Variants in NCAN observed in about 807,000 individuals in gnomAD.
NCAN encodes neurocan core protein.
In NCAN, 47 loss-of-function variants were observed where a neutral mutation model predicts 121.8. That is an observed-to-expected ratio of 0.39 (90% CI 0.31 to 0.49). The LOEUF is 0.49. Among genes scored for constraint, NCAN ranks in the 20% least tolerant of loss-of-function variants. NCAN has a pLI of 0.92. For missense variants in NCAN, 1,517 were observed against 1,773.4 expected, an observed-to-expected ratio of 0.86 and a Z score of 2.60; for synonymous variants, 633 against 702.0, an observed-to-expected ratio of 0.90 and a Z score of 1.55.
intron 10 of NCAN, among the ~76,000 whole-genome samples, chr19:19,235,578 A>ATTT (rs1345718406): frequency 5.3e-5 from 7 of 131,330 alleles, no homozygotes; most frequent in African/African-American, 1.8e-4. Flanking sequence ...GCCCTATTTT[A>ATTT]TTTTATTTTT....
At position 19,227,396 on chromosome 19, in the gene NCAN, C is replaced by A; in HGVS notation, c.1776C>A (p.Gly592=). 1.2e-6 allele frequency: 2 copies of A among 1,613,640 alleles called. No homozygotes were observed. The change falls in exon 8 of 15, where the codon GGC becomes GGA. Residue 592 remains glycine, a synonymous_variant. Coordinates refer to ENST00000252575, the MANE Select transcript of NCAN (RefSeq NM_004386.3). The surrounding 1 kb of genome is among the most constrained non-coding windows in gnomAD (Gnocchi z 4.2). ...APVLELEKAE[G]PSARPATPDL... ...TCCTGGAGCTAGAGAAAGCCGAGGG[C>A]CCCAGTGCCAGGCCAGCCACCCCAG...
chr19:19,242,791 G>GACAAAT (rs2060908730), intron 12 of NCAN, among the ~76,000 whole-genome samples: 1 of 152,164 alleles, frequency 6.6e-6, no homozygotes, highest in South Asian at 2.1e-4. Context: ...AACAGATGAA[G>GACAAAT]GAAGAGACAA....
chr19:19,246,901 C>CAA (rs1194221341), intron 13 of NCAN, among the ~76,000 whole-genome samples: 1 of 152,104 alleles, frequency 6.6e-6, no homozygotes, highest in Non-Finnish European at 1.5e-5. Context: ...TGTGAACTGT[C>CAA]AATTCATCTC....
At chr19:19,241,779 T>A (rs1419248953) in intron 12 of NCAN, among the ~76,000 whole-genome samples, 2 of 151,994 alleles carry the variant, frequency 1.3e-5, no homozygotes, top group African/African-American at 4.8e-5. Flanking sequence ...AGATTCAAAG[T>A]GGTACAAAAA....
At chr19:19,233,212 G>C (rs1202648503) in intron 8 of NCAN, among the ~76,000 whole-genome samples, 1 of 152,136 alleles carries the variant, frequency 6.6e-6, no homozygotes, top group Non-Finnish European at 1.5e-5. Context: ...AGGATTACAG[G>C]CATGAGCCAT....
chr19:19,235,107 A>G lies in NCAN; in HGVS notation c.3250+11A>G. On this transcript the variant is annotated intron_variant, in intron 10 of 14. Coordinates refer to ENST00000252575, the MANE Select transcript of NCAN (RefSeq NM_004386.3). ...GCTTTTGTGAGAAAGGTGAGTTTCTATTGCAACACCAGAAACAGTACCAAG... is the reference window on the plus strand; with the variant it reads ...GCTTTTGTGAGAAAGGTGAGTTTCTGTTGCAACACCAGAAACAGTACCAAG... 6.3e-7 allele frequency: 1 copy of G among 1,582,634 alleles called. No individual in the cohort carries two copies. The highest frequency in any genetic ancestry group is 8.7e-7 in the Non-Finnish European group (1 of 1,152,150).
intron 3 of NCAN, among the ~76,000 whole-genome samples, chr19:19,221,600 A>C (rs1034716569): frequency 5.3e-5 from 8 of 151,958 alleles, no homozygotes; most frequent in Admixed American, 3.9e-4. Context: ...AATACAACTA[A>C]ATAAGCCAGA....
chr19:19,240,706 G>A, intron 12 of NCAN, 21 bp downstream of exon 12: 1 of 1,612,018 alleles, frequency 6.2e-7, no homozygotes, highest in Non-Finnish European at 8.5e-7. Context: ...GGGGCTGCGG[G>A]CCTAGGCTGC....
At chr19:19,240,521 T>C in intron 11 of NCAN, 82 bp from the exon 12 acceptor site, 1 of 1,380,720 alleles carries the variant, frequency 7.2e-7, no homozygotes, top group Admixed American at 1.7e-5. Context: ...TCCCACACCC[T>C]ACCCCACCTC....
In NCAN at chr19:19,227,814, A is replaced by C; in HGVS notation, c.2194A>C (p.Arg732=). 6.2e-7 allele frequency: 1 copy of C among 1,613,640 alleles called. No individual in the cohort carries two copies. Among genetic ancestry groups the C allele is most frequent in the Non-Finnish European group, 8.5e-7 (1 of 1,180,018 alleles). The change falls in exon 8 of 15, where the codon AGG becomes CGG. Residue 732 remains arginine (R), a synonymous_variant. Coordinates refer to ENST00000252575, the MANE Select transcript of NCAN (RefSeq NM_004386.3). The surrounding 1 kb of genome is among the most constrained non-coding windows in gnomAD (Gnocchi z 4.2). The part of the protein sequence containing the change: ...SSSSPWPSVN[R]NVAVGFVPTE... ...CTCCAGCCCATGGCCTTCTGTAAAC[A>C]GGAATGTGGCTGTAGGTTTTGTCCC... is the stretch of plus-strand genomic sequence containing the variant.
At chr19:19,248,284 T>C (rs1050602467) in intron 13 of NCAN, among the ~76,000 whole-genome samples, 38 of 151,824 alleles carry the variant, frequency 2.5e-4, no homozygotes, top group Admixed American at 2.5e-3. Flanking sequence ...GTCTCTACTA[T>C]AAATACAAAA....
At chr19:19,245,785 A>AT (rs111384721) in intron 13 of NCAN, among the ~76,000 whole-genome samples, 46 of 146,748 alleles carry the variant, frequency 3.1e-4, no homozygotes, top group East Asian at 1.4e-3. Flanking sequence ...GCCTTGATTC[A>AT]TTTTTTTTTT....
At chr19:19,248,257 C>T (rs1226634855) in intron 13 of NCAN, among the ~76,000 whole-genome samples, 1 of 151,944 alleles carries the variant, frequency 6.6e-6, no homozygotes, top group Non-Finnish European at 1.5e-5. Context: ...CCCGCCTGGC[C>T]AATATGACGA....
At chr19:19,219,798 G>A (rs887852865) in intron 3 of NCAN, among the ~76,000 whole-genome samples, 1 of 150,664 alleles carries the variant, frequency 6.6e-6, no homozygotes, top group Non-Finnish European at 1.5e-5. Context: ...GCCGAGGCGT[G>A]TGGATCAGTT....
rs182862876 is a variant in NCAN, at chr19:19,250,134, C to T, written c.*223C>T. 47 of 682,352 alleles carry T rather than the reference C, an allele frequency of 6.9e-5. No individual in the cohort carries two copies. In the Admixed American group the frequency reaches 8.8e-4, roughly 13 times the overall value. 42.3% of individuals were successfully genotyped at this position (682,352 alleles called of 1,614,324 possible). A position where few individuals can be genotyped will look rare whatever the true frequency, so the allele number is the denominator to read the frequency against. On this transcript the variant is annotated 3_prime_UTR_variant, in exon 15 of 15. Transcript: ENST00000252575. ...GCCAGGTGTCTGAAAAGTTCATTCT[C>T]GTCTGGCTGAACTCTGGGAGTGTGT... is the stretch of plus-strand genomic sequence containing the variant.
chr19:19,223,040 C>A (rs184081754), intron 3 of NCAN, among the ~76,000 whole-genome samples: 1 of 151,966 alleles, frequency 6.6e-6, no homozygotes, highest in Non-Finnish European at 1.5e-5. Context: ...ACCCGGGAGG[C>A]GGAGCTTGCA....
At chr19:19,223,940 G>A (rs1046975756) in intron 3 of NCAN, 81 bp from the exon 4 acceptor site, 6 of 1,384,342 alleles carry the variant, frequency 4.3e-6, no homozygotes, top group African/African-American at 4.3e-5. Flanking sequence ...GGGGTGGGGA[G>A]TCATTCTGCA....
chr19:19,239,745 TCTA>T (rs1211093854), intron 11 of NCAN, among the ~76,000 whole-genome samples: 2 of 110,490 alleles, frequency 1.8e-5, no homozygotes, highest in Non-Finnish European at 3.7e-5. Context: ...CCTCCTCCCT[TCTA>T]CTCCTCCTCC....
At chr19:19,234,139 G>A (rs2060872509) in intron 9 of NCAN, among the ~76,000 whole-genome samples, 2 of 152,160 alleles carry the variant, frequency 1.3e-5, no homozygotes. Flanking sequence ...CCAGTCAGAG[G>A]TGGGAAGGAA....
Sources: allele counts gnomAD v4.1 joint callset (sites outside exome capture counted in the v4.1 genomes callset), GRCh38; gene constraint gnomAD v4.1.1; non-coding constraint Gnocchi (gnomAD v3.1); transcripts MANE v1.5; gene names NCBI Gene and HGNC (gene_info 2026-07-23, HGNC 2026-07-21).